Variants in RAB15 observed in about 807,000 individuals in gnomAD.
RAB15 encodes the protein ras-related protein Rab-15.
RAB15 carries 13 observed loss-of-function variants against 31.8 expected under a neutral mutation model. That is an observed-to-expected ratio of 0.41 (90% confidence interval 0.27 to 0.65). RAB15 has a LOEUF of 0.65. Ranked by LOEUF, RAB15 falls within the 30% of genes least tolerant of loss-of-function variation. The pLI is 0.32. For synonymous variants in RAB15, 100 were observed against 105.6 expected (o/e 0.95, Z 0.33); for missense variants, 220 against 277.3 (o/e 0.79, Z 1.47).
At position 64,951,441 on chromosome 14, in the gene RAB15, A is replaced by G. The variant is rs1431762792; in HGVS notation, c.246+162T>C. 2.0e-5 allele frequency among the ~76,000 whole-genome samples: 3 copies of G among 152,120 alleles called. No homozygotes were observed. The highest frequency in any genetic ancestry group is 4.4e-5 in the Non-Finnish European group (3 of 68,002). On this transcript the variant is annotated intron_variant, in intron 3 of 6. Transcript: ENST00000533601. This position sits in a 1 kb window ranked among gnomAD's most constrained non-coding sequence, Gnocchi z 7.2. ...TGCCTGCAGTGAGTGGGCCATGAACAATGGACGGACAAATGATCAGTGAAC... is the reference window on the plus strand; with the variant it reads ...TGCCTGCAGTGAGTGGGCCATGAACGATGGACGGACAAATGATCAGTGAAC...
In RAB15 at chr14:64,948,432, C is replaced by T. The variant is rs775678613; in HGVS notation, c.561G>A (p.Glu187=). 1.2e-6 allele frequency: 2 copies of T among 1,613,746 alleles called. No homozygotes were observed. The highest frequency in any genetic ancestry group is 1.7e-6 in the Non-Finnish European group (2 of 1,179,916). The change falls in exon 7 of 7, where the codon GAG becomes GAA. Residue 187 remains glutamate (E), a synonymous_variant. Transcript: ENST00000533601. This position sits in a 1 kb window ranked among gnomAD's most constrained non-coding sequence, Gnocchi z 7.0. ...CCTCCTCCAGCTCTGCCAGTGCCAA[C>T]TCATTGCTGGCACGCATCCGGAGGC... is the stretch of plus-strand genomic sequence containing the variant. ...LEGLRMRASN[E]LALAELEEEE...
At chr14:64,966,049 C>A (rs1016136150) in intron 1 of RAB15, among the ~76,000 whole-genome samples, 11 of 152,160 alleles carry the variant, frequency 7.2e-5, no homozygotes, top group Non-Finnish European at 1.6e-4. Context: ...TCTCAGGTCA[C>A]CCCACTGCTT....
At position 64,970,490 on chromosome 14, in the gene RAB15, C is replaced by T. The variant is rs72625652; in HGVS notation, c.124+1463G>A. ...GGCCTTACAGCTCCTCTGAGAAAGA[C>T]GGACAAGTTCTGTTCCCTGACCCTA... On this transcript the variant is annotated intron_variant, in intron 1 of 6. Transcript: ENST00000533601. This position sits in a 1 kb window ranked among gnomAD's most constrained non-coding sequence, Gnocchi z 4.1. 0.064 allele frequency among the ~76,000 whole-genome samples: 9,782 copies of T among 152,256 alleles called. 545 individuals are homozygous for T. The highest frequency in any genetic ancestry group is 0.31 in the East Asian group (1,598 of 5,170).
rs1886211235 is a variant in RAB15, at chr14:64,950,900, T to C, written c.324+174A>G. 1 of 1,374,888 alleles carries C rather than the reference T, an allele frequency of 7.3e-7. No homozygotes were observed. Among genetic ancestry groups the C allele is most frequent in the South Asian group, 1.2e-5 (1 of 81,702 alleles). 85.2% of individuals were successfully genotyped at this position (1,374,888 alleles called of 1,614,324 possible). A position where few individuals can be genotyped will look rare whatever the true frequency, so the allele number is the denominator to read the frequency against. ...TGGAGGCCTGGCAGGGTATAGAGAG[T>C]GAGGGCATGGCAGCTTCGGTTTCTT... is the stretch of plus-strand genomic sequence containing the variant. On this transcript the variant is annotated intron_variant, in intron 4 of 6. Transcript: ENST00000533601. The surrounding 1 kb of genome is among the most constrained non-coding windows in gnomAD (Gnocchi z 5.6).
At position 64,971,491 on chromosome 14, in the gene RAB15, C is replaced by T. The variant is rs919493521; in HGVS notation, c.124+462G>A. Among the ~76,000 whole-genome samples the T allele has an allele frequency of 3.3e-5, 5 of 152,120 alleles. No homozygotes were observed. The highest frequency in any genetic ancestry group is 2.0e-4 in the Admixed American group (3 of 15,280). ...GGCCCCTCCGTACGTCCTCTCTTCC[C>T]CCCCTCGCCCCCCGCCGGCTCCACC... On this transcript the variant is annotated intron_variant, in intron 1 of 6. Transcript: ENST00000533601. The surrounding 1 kb of genome is among the most constrained non-coding windows in gnomAD (Gnocchi z 4.1).
At chr14:64,967,027 C>T (rs1217483482) in intron 1 of RAB15, among the ~76,000 whole-genome samples, 2 of 152,160 alleles carry the variant, frequency 1.3e-5, no homozygotes, top group South Asian at 2.1e-4. Flanking sequence ...GCCCCACCCC[C>T]TCCCTCACCA....
At chr14:64,964,495 G>C (rs1177643461) in intron 1 of RAB15, among the ~76,000 whole-genome samples, 2 of 147,594 alleles carry the variant, frequency 1.4e-5, no homozygotes, top group East Asian at 4.2e-4. Context: ...AATCCAGCCT[G>C]GTGACAGAGC....
rs1886186244 is a variant in RAB15 at position 64,950,443 on chromosome 14, A to G, written c.325-29T>C. On this transcript the variant is annotated intron_variant, in intron 4 of 6. Transcript: ENST00000533601. The surrounding 1 kb of genome is among the most constrained non-coding windows in gnomAD (Gnocchi z 5.6). Reference sequence around the variant, plus strand: ...GGGACAAAGGATGGGCAGAACAGCCAGTGAGTGCTGCCTGCCCCCCCAATT... The same window carrying G: ...GGGACAAAGGATGGGCAGAACAGCCGGTGAGTGCTGCCTGCCCCCCCAATT... The G allele has an allele frequency of 2.6e-6, 4 of 1,559,830 alleles. No homozygotes were observed. Among genetic ancestry groups the G allele is most frequent in the Non-Finnish European group, 3.5e-6 (4 of 1,131,164 alleles).
At chr14:64,949,812 CA>C (rs903636478) in intron 5 of RAB15, among the ~76,000 whole-genome samples, 1 of 152,002 alleles carries the variant, frequency 6.6e-6, no homozygotes, top group Non-Finnish European at 1.5e-5. Flanking sequence ...CATGCTTGGA[CA>C]TTCCCTCAGC....
rs1046339000 is a variant in RAB15 at position 64,958,849 on chromosome 14, A to T, written c.125-6278T>A. 6.6e-6 allele frequency among the ~76,000 whole-genome samples: 1 copy of T among 152,176 alleles called. No homozygotes were observed. Among genetic ancestry groups the T allele is most frequent in the Non-Finnish European group, 1.5e-5 (1 of 68,026 alleles). On this transcript the variant is annotated intron_variant, in intron 1 of 6. Coordinates refer to ENST00000533601, the MANE Select transcript of RAB15 (RefSeq NM_001308154.2). This position sits in a 1 kb window ranked among gnomAD's most constrained non-coding sequence, Gnocchi z 4.4. ...AGCTCATTGTTTTTCCCGGCACATTAGATATGCCCATCATGGTGCCTGCCA... is the reference window on the plus strand; with the variant it reads ...AGCTCATTGTTTTTCCCGGCACATTTGATATGCCCATCATGGTGCCTGCCA...
rs115860584 is a variant in RAB15, at chr14:64,952,847, A to G, written c.125-276T>C. Among the ~76,000 whole-genome samples the G allele has an allele frequency of 1.3e-3, 197 of 152,342 alleles. 1 individual carries two copies. The highest frequency in any genetic ancestry group is 4.6e-3 in the African/African-American group (190 of 41,558). ...TGAATCTGGGGAAATCTACTTCATC[A>G]CTGCCTTACTCGACAGACTTAAAAC... On this transcript the variant is annotated intron_variant, in intron 1 of 6. Transcript: ENST00000533601. The surrounding 1 kb of genome is among the most constrained non-coding windows in gnomAD (Gnocchi z 4.2).
rs1034652418 is a variant in RAB15 at position 64,947,708 on chromosome 14, G to C, written c.*646C>G. On this transcript the variant is annotated 3_prime_UTR_variant, in exon 7 of 7. Coordinates refer to ENST00000533601, the MANE Select transcript of RAB15 (RefSeq NM_001308154.2). The surrounding 1 kb of genome is among the most constrained non-coding windows in gnomAD (Gnocchi z 5.6). ...TCCACTTTCGCAGGTCACTGGGGAG[G>C]CAGGCCCATGGCACATGAGGGACAG... is the stretch of plus-strand genomic sequence containing the variant. The C allele has an allele frequency of 2.0e-5, 3 of 152,814 alleles. No individual in the cohort carries two copies. Among genetic ancestry groups the C allele is most frequent in the Non-Finnish European group, 4.4e-5 (3 of 68,250 alleles). 9.5% of individuals were successfully genotyped at this position (152,814 alleles called of 1,614,324 possible).
At chr14:64,961,940 C>G (rs6573586) in intron 1 of RAB15, among the ~76,000 whole-genome samples, 9 of 149,566 alleles carry the variant, frequency 6.0e-5, no homozygotes, top group South Asian at 2.1e-4. Context: ...ACAGGCCGGG[C>G]GTGGTGGCTC....
chr14:64,951,066 T>C lies in RAB15; in HGVS notation c.324+8A>G, dbSNP rs1886223294. 6.2e-7 allele frequency: 1 copy of C among 1,612,984 alleles called. No individual in the cohort carries two copies. The highest frequency in any genetic ancestry group is 1.3e-5 in the African/African-American group (1 of 75,012). ...TCCACACCCCGGCAGTGAGGTGGCA[T>C]CTCCTACCTCATCCACGTCACTGAC... On this transcript the variant is annotated splice_region_variant and intron_variant, in intron 4 of 6. Transcript: ENST00000533601. The surrounding 1 kb of genome is among the most constrained non-coding windows in gnomAD (Gnocchi z 7.2).
rs1186195886 is a variant in RAB15 at position 64,970,754 on chromosome 14, A to C, written c.124+1199T>G. Among the ~76,000 whole-genome samples the C allele has an allele frequency of 6.6e-6, 1 of 152,246 alleles. No homozygotes were observed. Among genetic ancestry groups the C allele is most frequent in the African/African-American group, 2.4e-5 (1 of 41,460 alleles). On this transcript the variant is annotated intron_variant, in intron 1 of 6. Transcript: ENST00000533601. The surrounding 1 kb of genome is among the most constrained non-coding windows in gnomAD (Gnocchi z 4.1). Reference sequence around the variant, plus strand: ...CTAAATAAAGCTCAGAAGTTTAGGCAATATTCAAGGTTGCTTTGCCCCACA... The same window carrying C: ...CTAAATAAAGCTCAGAAGTTTAGGCCATATTCAAGGTTGCTTTGCCCCACA...
chr14:64,971,862 G>A lies in RAB15; in HGVS notation c.124+91C>T. 4 of 1,277,596 alleles carry A rather than the reference G, an allele frequency of 3.1e-6. No individual in the cohort carries two copies. Among genetic ancestry groups the A allele is most frequent in the East Asian group, 2.7e-5 (1 of 36,994 alleles). 79.1% of individuals were successfully genotyped at this position (1,277,596 alleles called of 1,614,324 possible). On this transcript the variant is annotated intron_variant, in intron 1 of 6. Coordinates refer to ENST00000533601, the MANE Select transcript of RAB15 (RefSeq NM_001308154.2). The surrounding 1 kb of genome is among the most constrained non-coding windows in gnomAD (Gnocchi z 4.1). ...GGCGCCACCGCCTCCAGCCGGAGGG[G>A]CTGGCAATTCCTCCCCAGCTGGGGA...
chr14:64,953,800 T>A lies in RAB15; in HGVS notation c.125-1229A>T, dbSNP rs1270543074. 2.0e-6 allele frequency: 2 copies of A among 985,260 alleles called. No individual in the cohort carries two copies. Among genetic ancestry groups the A allele is most frequent in the Non-Finnish European group, 2.4e-6 (2 of 829,918 alleles). The allele number at this position is 985,260 out of a possible 1,614,324, so 61.0% of individuals were successfully genotyped here. On this transcript the variant is annotated intron_variant, in intron 1 of 6. Coordinates refer to ENST00000533601, the MANE Select transcript of RAB15 (RefSeq NM_001308154.2). This position sits in a 1 kb window ranked among gnomAD's most constrained non-coding sequence, Gnocchi z 4.6. ...TAATTAAGCTTACGTCTTTGTGTAC[T>A]CCCTGGAGCAAGGTCAGGAGTGGGC...
rs1230515616 is a variant in RAB15 at position 64,962,185 on chromosome 14, A to G, written c.125-9614T>C. ...AGCCAAGATTGTGCCACTGCACTCC[A>G]GCCTGGGGGATACAGTGAGACTCTG... On this transcript the variant is annotated intron_variant, in intron 1 of 6. Coordinates refer to ENST00000533601, the MANE Select transcript of RAB15 (RefSeq NM_001308154.2). The surrounding 1 kb of genome is among the most constrained non-coding windows in gnomAD (Gnocchi z 4.2). Among the ~76,000 whole-genome samples the G allele has an allele frequency of 6.6e-6, 1 of 152,234 alleles. No homozygotes were observed. The highest frequency in any genetic ancestry group is 1.5e-5 in the Non-Finnish European group (1 of 68,042).
chr14:64,950,936 T>C lies in RAB15; in HGVS notation c.324+138A>G. ...CAGCTTCGGTTTCTTCCCCATGTCT[T>C]ACTCACCCAGAGGTCTTCATCCAGG... On this transcript the variant is annotated intron_variant, in intron 4 of 6. Transcript: ENST00000533601. The surrounding 1 kb of genome is among the most constrained non-coding windows in gnomAD (Gnocchi z 5.6). The C allele has an allele frequency of 6.2e-7, 1 of 1,600,256 alleles. No homozygotes were observed. The highest frequency in any genetic ancestry group is 1.1e-5 in the South Asian group (1 of 90,450).
Sources: allele counts gnomAD v4.1 joint callset (sites outside exome capture counted in the v4.1 genomes callset), GRCh38; gene constraint gnomAD v4.1.1; non-coding constraint Gnocchi (gnomAD v3.1); transcripts MANE v1.5; gene names NCBI Gene and HGNC (gene_info 2026-07-23, HGNC 2026-07-21).